PCNX2: variants seen among roughly 807,000 people sequenced by gnomAD.
PCNX2 encodes the protein pecanex 2.
In PCNX2, 168 loss-of-function variants were observed where a neutral mutation model predicts 223.8. That is an observed-to-expected ratio of 0.75 (90% CI 0.66 to 0.85). The LOEUF is 0.85. Ranked by LOEUF, PCNX2 falls within the 40% of genes least tolerant of loss-of-function variation. PCNX2 has a pLI of 0.00. For missense variants in PCNX2, 2,507 were observed against 2,675.5 expected (o/e 0.94, Z 1.39); for synonymous variants, 1,006 against 1,052.6 (o/e 0.96, Z 0.86).
intron 21 of PCNX2, among the ~76,000 whole-genome samples, chr1:233,096,396 A>G (rs969137912): frequency 1.3e-5 from 2 of 152,226 alleles, no homozygotes; most frequent in African/African-American, 2.4e-5. Context: ...AGTTTTGGGA[A>G]GATATGGAAA....
intron 17 of PCNX2, among the ~76,000 whole-genome samples, chr1:233,169,177 C>CT (rs147731594): frequency 0.078 from 11,890 of 151,844 alleles, 672 homozygotes; most frequent in East Asian, 0.31. Flanking sequence ...ATTTTTCCAC[C>CT]TTTTTTTACA....
chr1:233,129,322 C>T (rs889806246), intron 21 of PCNX2, among the ~76,000 whole-genome samples: 13 of 152,194 alleles, frequency 8.5e-5, no homozygotes, highest in Non-Finnish European at 1.9e-4. Flanking sequence ...GATTTCTCGC[C>T]GGGCCTTAGC....
At chr1:233,221,695 A>G (rs1362154592) in intron 10 of PCNX2, among the ~76,000 whole-genome samples, 1 of 152,202 alleles carries the variant, frequency 6.6e-6, no homozygotes, top group African/African-American at 2.4e-5. Flanking sequence ...GGGCCTGGGA[A>G]GCTCACATGG....
chr1:233,074,467 C>T lies in PCNX2; in HGVS notation c.4076+15594G>A, dbSNP rs1361753827. 3.3e-4 allele frequency among the ~76,000 whole-genome samples: 49 copies of T among 150,222 alleles called. 1 individual carries two copies. Among genetic ancestry groups the T allele is most frequent in the Admixed American group, 1.5e-3 (22 of 15,148 alleles). ...AAAATTAGCTGGGCGTAGTGGCGGGCGCCTGTAGTCCCAGCTACTTGGGAG... is the reference window on the plus strand; with the variant it reads ...AAAATTAGCTGGGCGTAGTGGCGGGTGCCTGTAGTCCCAGCTACTTGGGAG... On this transcript the variant is annotated intron_variant, in intron 23 of 33. Transcript: ENST00000258229.
chr1:233,025,251 C>A lies in PCNX2; in HGVS notation c.4500G>T (p.Thr1500=). The change falls in exon 26 of 34, where the codon ACG becomes ACT. Residue 1500 remains threonine (T), a synonymous_variant. Transcript: ENST00000258229. ...AGCCCTCCAGGATGTACTGGGTCTG[C>A]GTGATTTCCCAGGTGAGCCAGCGGA... ...FHLRWLTWEI[T]QTQYILEGYS... is the part of the protein sequence containing the mutation. The A allele has an allele frequency of 6.2e-7, 1 of 1,613,994 alleles. No homozygotes were observed. The highest frequency in any genetic ancestry group is 8.5e-7 in the Non-Finnish European group (1 of 1,179,888).
chr1:233,200,086 T>C (rs1458175565), intron 14 of PCNX2, 68 bp downstream of exon 14: 1 of 1,262,436 alleles, frequency 7.9e-7, no homozygotes, highest in African/African-American at 1.5e-5. Flanking sequence ...ATCTCCTGCC[T>C]AAGGCTATTT....
At position 232,991,307 on chromosome 1, in the gene PCNX2, G is replaced by A. The variant is rs1413395122; in HGVS notation, c.5792-4767C>T. On this transcript the variant is annotated intron_variant, in intron 32 of 33. Transcript: ENST00000258229. The surrounding 1 kb of genome is among the most constrained non-coding windows in gnomAD (Gnocchi z 4.3). Reference sequence around the variant, plus strand: ...GCAGCAGCTGAGGGGGCCCTGGAAAGGAGAATGCTTGACACTGTTGAGGGA... The same window carrying A: ...GCAGCAGCTGAGGGGGCCCTGGAAAAGAGAATGCTTGACACTGTTGAGGGA... Among the ~76,000 whole-genome samples the A allele has an allele frequency of 2.6e-5, 4 of 152,120 alleles. No individual in the cohort carries two copies. The highest frequency in any genetic ancestry group is 2.0e-4 in the Admixed American group (3 of 15,282).
At chr1:233,100,786 AAAGTGC>A (rs1379061355) in intron 21 of PCNX2, among the ~76,000 whole-genome samples, 2 of 152,180 alleles carry the variant, frequency 1.3e-5, no homozygotes, top group Non-Finnish European at 2.9e-5. Context: ...CCATTTGATT[AAAGTGC>A]AATTTTCTCT....
intron 27 of PCNX2, among the ~76,000 whole-genome samples, chr1:233,015,005 G>A (rs1299809731): frequency 6.6e-6 from 1 of 152,132 alleles, no homozygotes; most frequent in Non-Finnish European, 1.5e-5. Context: ...GAGAGAAAAG[G>A]GCCTACAATG....
intron 22 of PCNX2, among the ~76,000 whole-genome samples, chr1:233,094,510 A>G (rs1314631497): frequency 6.6e-6 from 1 of 152,250 alleles, no homozygotes; most frequent in African/African-American, 2.4e-5. Context: ...ATCTAAGAAT[A>G]GCAACATAGA....
At chr1:233,204,692 C>A (rs1318570586) in intron 13 of PCNX2, among the ~76,000 whole-genome samples, 1 of 152,220 alleles carries the variant, frequency 6.6e-6, no homozygotes, top group Non-Finnish European at 1.5e-5. Context: ...TGTTTCACAA[C>A]CTTTTCCTGC....
At chr1:233,035,362 A>G (rs1324053366) in intron 25 of PCNX2, among the ~76,000 whole-genome samples, 1 of 152,238 alleles carries the variant, frequency 6.6e-6, no homozygotes, top group Non-Finnish European at 1.5e-5. Context: ...TCATAAAAAA[A>G]TCCAAAATTT....
intron 23 of PCNX2, among the ~76,000 whole-genome samples, chr1:233,070,186 C>T (rs190459674): frequency 3.9e-4 from 60 of 152,212 alleles, no homozygotes; most frequent in African/African-American, 1.3e-3. Context: ...ATTTTAAAAG[C>T]CCTGTAACTA....
intron 25 of PCNX2, among the ~76,000 whole-genome samples, chr1:233,049,334 T>C (rs958472426): frequency 3.9e-5 from 6 of 152,096 alleles, no homozygotes; most frequent in African/African-American, 1.4e-4. Context: ...GGTCAACATA[T>C]ACAAGTCAAT....
chr1:233,293,404 G>A (rs139321728), intron 1 of PCNX2, among the ~76,000 whole-genome samples: 47 of 152,286 alleles, frequency 3.1e-4, no homozygotes, highest in African/African-American at 1.1e-3. Flanking sequence ...TATGTACAAG[G>A]AAAAACCAAG....
intron 21 of PCNX2, among the ~76,000 whole-genome samples, chr1:233,127,584 C>A (rs1184772560): frequency 7.9e-5 from 12 of 151,978 alleles, no homozygotes; most frequent in Admixed American, 7.9e-4. Flanking sequence ...ACTCTCCAAG[C>A]AGGGAAGGCA....
chr1:233,203,658 G>A (rs1273496594), intron 13 of PCNX2, among the ~76,000 whole-genome samples: 4 of 151,860 alleles, frequency 2.6e-5, no homozygotes, highest in South Asian at 4.2e-4. Context: ...TCCCACCTGC[G>A]CCATGTCCAC....
At chr1:233,233,698 C>T (rs1219365819) in intron 9 of PCNX2, among the ~76,000 whole-genome samples, 1 of 151,976 alleles carries the variant, frequency 6.6e-6, no homozygotes, top group Non-Finnish European at 1.5e-5. Context: ...ACTCCCAGAG[C>T]TCGTGTGCTG....
chr1:233,081,879 G>A (rs1673374538), intron 23 of PCNX2, among the ~76,000 whole-genome samples: 1 of 152,176 alleles, frequency 6.6e-6, no homozygotes, highest in African/African-American at 2.4e-5. Flanking sequence ...GGGGCTCTGA[G>A]CTGCAGCTGC....
Sources: allele counts gnomAD v4.1 joint callset (sites outside exome capture counted in the v4.1 genomes callset), GRCh38; gene constraint gnomAD v4.1.1; non-coding constraint Gnocchi (gnomAD v3.1); transcripts MANE v1.5; gene names NCBI Gene and HGNC (gene_info 2026-07-23, HGNC 2026-07-21).